MBP: variants seen among roughly 807,000 people sequenced by gnomAD.
The protein encoded by MBP is myelin basic protein, also known as Golli-MBP.
In MBP, 16 loss-of-function variants were observed where a neutral mutation model predicts 35.8. The observed-to-expected ratio is 0.45, with a 90% CI of 0.30 to 0.68. The LOEUF (loss-of-function observed/expected upper bound fraction) is 0.68, where lower values mean the gene tolerates loss of function less well. Ranked by LOEUF, MBP falls within the 30% of genes least tolerant of loss-of-function variation. MBP has a pLI of 0.08. For missense variants in MBP, 380 were observed against 404.7 expected (o/e 0.94, Z 0.52); for synonymous variants, 143 against 159.6 (o/e 0.90, Z 0.78).
At position 77,055,452 on chromosome 18, in the gene MBP, T is replaced by TCCCTGG. The variant is rs142416609; in HGVS notation, c.139+10840_139+10845dup. On this transcript the variant is annotated intron_variant, in intron 3 of 8. Transcript: ENST00000355994. The stretch of plus-strand genomic sequence containing the variant: ...CAGCCCAGTGCCACCTCTGCCATCC[T>TCCCTGG]CCCTGGCTGGGAAAGATGAACTGCG... Among the ~76,000 whole-genome samples the TCCCTGG allele has an allele frequency of 5.3e-3, 800 of 152,312 alleles. 14 individuals carry two copies. Among genetic ancestry groups the TCCCTGG allele is most frequent in the East Asian group, 0.041 (214 of 5,184 alleles).
intron 4 of MBP, among the ~76,000 whole-genome samples, chr18:77,001,120 C>G (rs1444056092): frequency 6.6e-6 from 1 of 152,096 alleles, no homozygotes; most frequent in Admixed American, 6.5e-5. Context: ...TCCCTGCCCA[C>G]CCGGTCCCCA....
At chr18:77,025,705 C>CTTTTTTTTGTTTT (rs1972186806) in intron 3 of MBP, among the ~76,000 whole-genome samples, 1 of 108,830 alleles carries the variant, frequency 9.2e-6, no homozygotes, top group African/African-American at 4.1e-5. Flanking sequence ...TATTGAAATA[C>CTTTTTTTTGTTTT]TTTTTTTTTT....
At chr18:77,093,846 AAC>A (rs1014010350) in intron 2 of MBP, among the ~76,000 whole-genome samples, 8 of 152,350 alleles carry the variant, frequency 5.3e-5, no homozygotes, top group East Asian at 3.9e-4. Context: ...CCCAAATGCA[AAC>A]ACAGTTTCAT....
At chr18:76,984,521 T>C (rs1969422326) in intron 8 of MBP, 1 of 487,082 alleles carries the variant, frequency 2.1e-6, no homozygotes, top group Non-Finnish European at 3.7e-6. Flanking sequence ...AGTCGCCTGC[T>C]CCAGGGCCCC....
intron 3 of MBP, among the ~76,000 whole-genome samples, chr18:77,035,223 C>T (rs537891746): frequency 6.6e-6 from 1 of 152,330 alleles, no homozygotes; most frequent in East Asian, 1.9e-4. Context: ...AGCTGGTGAT[C>T]AACCCATGGC....
At chr18:76,986,649 C>T (rs1969573601) in intron 7 of MBP, 1 of 985,536 alleles carries the variant, frequency 1.0e-6, no homozygotes, top group Non-Finnish European at 1.2e-6. Context: ...GCCAGCCTCG[C>T]TCTTGCGTCC....
At chr18:77,007,873 C>A (rs907285990) in intron 4 of MBP, among the ~76,000 whole-genome samples, 2 of 152,278 alleles carry the variant, frequency 1.3e-5, no homozygotes. Context: ...ATATGCAAAA[C>A]CTGTCTAGGA....
chr18:77,106,313 G>A (rs1011639055), intron 1 of MBP, among the ~76,000 whole-genome samples: 1 of 152,172 alleles, frequency 6.6e-6, no homozygotes, highest in African/African-American at 2.4e-5. Context: ...TGACAGCTGA[G>A]CTTTTCCATC....
Position 77,101,591 on chromosome 18 carries a change from C to T in MBP, c.51+3620G>A, listed in dbSNP as rs1337871929. On this transcript the variant is annotated intron_variant, in intron 2 of 8. Transcript: ENST00000355994. This position sits in a 1 kb window ranked among gnomAD's most constrained non-coding sequence, Gnocchi z 4.3. ...CCTCAACTGGCCCAGGAAGGTGGCT[C>T]AACCACTTGTTACCAGGGACCTGCA... 6.6e-6 allele frequency among the ~76,000 whole-genome samples: 1 copy of T among 152,152 alleles called. No homozygotes were observed. The highest frequency in any genetic ancestry group is 6.5e-5 in the Admixed American group (1 of 15,280).
At chr18:77,033,991 C>T in intron 3 of MBP, among the ~76,000 whole-genome samples, 1 of 149,114 alleles carries the variant, frequency 6.7e-6, no homozygotes, top group South Asian at 2.1e-4. Context: ...CACCCCTCAT[C>T]CGCAGTATGG....
At chr18:77,036,892 T>C (rs1485563510) in intron 3 of MBP, among the ~76,000 whole-genome samples, 1 of 83,854 alleles carries the variant, frequency 1.2e-5, no homozygotes, top group African/African-American at 5.4e-5. Flanking sequence ...TTTTGGAGAC[T>C]GAGCTGAGCA....
intron 4 of MBP, chr18:77,010,001 A>G: frequency 9.6e-7 from 1 of 1,039,634 alleles, no homozygotes; most frequent in South Asian, 1.4e-5. Context: ...CCTCCAGCAA[A>G]TCTCCTCTAG....
intron 2 of MBP, among the ~76,000 whole-genome samples, chr18:77,080,206 T>C (rs78347932): frequency 1.7e-3 from 266 of 152,322 alleles, no homozygotes; most frequent in African/African-American, 6.0e-3. Flanking sequence ...CCATAAGTAA[T>C]AAAAGATGCT....
intron 2 of MBP, among the ~76,000 whole-genome samples, chr18:77,094,616 A>G (rs546504481): frequency 6.6e-6 from 1 of 152,242 alleles, no homozygotes; most frequent in Admixed American, 6.5e-5. Context: ...GCATTCATAA[A>G]TGTGACTGTA....
chr18:76,988,115 A>G lies in MBP; in HGVS notation c.750+380T>C, dbSNP rs367921441. 2.0e-6 allele frequency: 3 copies of G among 1,518,032 alleles called. No homozygotes were observed. The highest frequency in any genetic ancestry group is 2.0e-5 in the Admixed American group (1 of 50,178). The allele number at this position is 1,518,032 out of a possible 1,614,324, so 94.0% of individuals were successfully genotyped here. A position where few individuals can be genotyped will look rare whatever the true frequency, so the allele number is the denominator to read the frequency against. On this transcript the variant is annotated intron_variant, in intron 7 of 8. Coordinates refer to ENST00000355994, the MANE Select transcript of MBP (RefSeq NM_001025101.2). This position sits in a 1 kb window ranked among gnomAD's most constrained non-coding sequence, Gnocchi z 5.2. ...TCACTGAGACGGGCCAGCCAGTCCC[A>G]CTTCCACATGCGGGTTCCTGGGGCT...
rs572355710 is a variant in MBP, at chr18:77,049,209, G to T, written c.139+17089C>A. Among the ~76,000 whole-genome samples, 321 of 149,276 alleles carry T rather than the reference G, an allele frequency of 2.2e-3. 1 individual carries two copies. Among genetic ancestry groups the T allele is most frequent in the African/African-American group, 7.2e-3 (293 of 40,580 alleles). On this transcript the variant is annotated intron_variant, in intron 3 of 8. Transcript: ENST00000355994. ...GCTGGGATTACAGGTGTGAGCCACC[G>T]CACCCGGCCGAGGGCAGGGTTTTTA...
chr18:77,102,637 T>A lies in MBP; in HGVS notation c.51+2574A>T, dbSNP rs567258690. 6.6e-6 allele frequency among the ~76,000 whole-genome samples: 1 copy of A among 152,346 alleles called. No individual in the cohort carries two copies. Among genetic ancestry groups the A allele is most frequent in the East Asian group, 1.9e-4 (1 of 5,192 alleles). On this transcript the variant is annotated intron_variant, in intron 2 of 8. Coordinates refer to ENST00000355994, the MANE Select transcript of MBP (RefSeq NM_001025101.2). The surrounding 1 kb of genome is among the most constrained non-coding windows in gnomAD (Gnocchi z 4.4). ...GCCTCAGCATGGGCTTTGCTATGGCTCAAAATCTTACTCTGATAGCATTAA... is the reference window on the plus strand; with the variant it reads ...GCCTCAGCATGGGCTTTGCTATGGCACAAAATCTTACTCTGATAGCATTAA...
chr18:77,091,541 T>C (rs1222844346), intron 2 of MBP, among the ~76,000 whole-genome samples: 1 of 151,834 alleles, frequency 6.6e-6, no homozygotes, highest in Non-Finnish European at 1.5e-5. Context: ...GGCCACACAG[T>C]GTTCAAGGGC....
chr18:77,125,128 C>T (rs768687878), intron 1 of MBP, among the ~76,000 whole-genome samples: 3 of 152,140 alleles, frequency 2.0e-5, no homozygotes, highest in Non-Finnish European at 4.4e-5. Flanking sequence ...TCTCTCCTGC[C>T]CTTTCTTCTT....
Sources: gnomAD v4.1 joint callset for allele counts (sites outside exome capture counted in the v4.1 genomes callset) on GRCh38, gnomAD v4.1.1 for gene constraint, Gnocchi (gnomAD v3.1) non-coding constraint, MANE v1.5 for transcripts, NCBI Gene and HGNC (gene_info 2026-07-23, HGNC 2026-07-21) for gene names.